The following DNM3 variants were observed in gnomAD, a reference collection of about 807,000 sequenced individuals.
The protein encoded by DNM3 is dynamin 3, also known as dynamin-3.
In DNM3, 47 loss-of-function variants were observed where a neutral mutation model predicts 101.6. That is an observed-to-expected ratio of 0.46 (90% CI 0.37 to 0.59). The LOEUF is 0.59. Ranked by LOEUF, DNM3 falls within the 20% of genes least tolerant of loss-of-function variation. The pLI, the probability that DNM3 is intolerant of heterozygous loss-of-function variation, is 0.00. For synonymous variants in DNM3, 385 were observed against 387.9 expected (o/e 0.99, Z 0.09); for missense variants, 849 against 1,085.7 (o/e 0.78, Z 3.06).
intron 17 of DNM3, among the ~76,000 whole-genome samples, chr1:172,324,344 A>G (rs2065856059): frequency 6.6e-6 from 1 of 152,244 alleles, no homozygotes; most frequent in Non-Finnish European, 1.5e-5. Flanking sequence ...CCATACATAT[A>G]GAATGTAAAA....
At chr1:171,949,632 T>C (rs779958116) in intron 2 of DNM3, among the ~76,000 whole-genome samples, 1 of 151,784 alleles carries the variant, frequency 6.6e-6, no homozygotes, top group Non-Finnish European at 1.5e-5. Flanking sequence ...CCAGGGTTGG[T>C]CTTGAACTCC....
intron 14 of DNM3, among the ~76,000 whole-genome samples, chr1:172,152,774 G>A (rs1046115912): frequency 4.3e-4 from 66 of 152,114 alleles, no homozygotes; most frequent in Admixed American, 7.9e-4. Flanking sequence ...GAATTTTAGT[G>A]AGTTTTTTGT....
intron 1 of DNM3, among the ~76,000 whole-genome samples, chr1:171,850,162 A>G (rs1275645020): frequency 6.6e-5 from 10 of 152,222 alleles, no homozygotes; most frequent in Non-Finnish European, 1.5e-4. Context: ...CCAAGTGTTC[A>G]GGAGGTAAGG....
At chr1:172,058,794 G>A (rs2050877631) in intron 10 of DNM3, among the ~76,000 whole-genome samples, 1 of 151,302 alleles carries the variant, frequency 6.6e-6, no homozygotes, top group Non-Finnish European at 1.5e-5. Flanking sequence ...AACTAGAAAA[G>A]CAAGAGCAAA....
chr1:171,928,674 A>G (rs1249351125), intron 2 of DNM3, among the ~76,000 whole-genome samples: 1 of 152,098 alleles, frequency 6.6e-6, no homozygotes, highest in East Asian at 1.9e-4. Context: ...GGGTAGTTCC[A>G]CTGCAGAGGC....
chr1:171,853,517 A>T (rs147505355), intron 1 of DNM3, among the ~76,000 whole-genome samples: 161 of 152,280 alleles, frequency 1.1e-3, no homozygotes, highest in African/African-American at 3.8e-3. Flanking sequence ...TGCTTTTCTA[A>T]TTGACCCAAT....
At chr1:172,198,235 T>C (rs529534011) in intron 14 of DNM3, among the ~76,000 whole-genome samples, 2 of 152,292 alleles carry the variant, frequency 1.3e-5, no homozygotes, top group South Asian at 2.1e-4. Flanking sequence ...TCTGCTTATA[T>C]TGAACCTACC....
chr1:172,345,104 T>C (rs1034078529), intron 17 of DNM3, among the ~76,000 whole-genome samples: 10 of 152,168 alleles, frequency 6.6e-5, no homozygotes, highest in Non-Finnish European at 8.8e-5. Context: ...TCTTTTAAAA[T>C]ATAGCTTGGA....
chr1:172,322,699 C>A (rs1241538456), intron 16 of DNM3, among the ~76,000 whole-genome samples: 2 of 152,110 alleles, frequency 1.3e-5, no homozygotes, highest in Non-Finnish European at 2.9e-5. Context: ...GCTTCCCATG[C>A]CAACCTAAGG....
intron 15 of DNM3, among the ~76,000 whole-genome samples, chr1:172,296,039 A>G (rs1054457168): frequency 1.1e-4 from 15 of 131,220 alleles, no homozygotes; most frequent in African/African-American, 4.3e-4. Context: ...GCAACCATTG[A>G]TGGAGAATCA....
rs2068759872 is a variant in DNM3, at chr1:172,379,152, A to T, written c.2028A>T (p.Pro676=). The stretch of plus-strand genomic sequence containing the variant: ...ACAAATGTATCCGAGATCTAATTCC[A>T]AAAACAATAATGCACCTTATGATCA... ...IINKCIRDLI[P]KTIMHLMINN... is the part of the protein sequence containing the mutation. Residue 676 remains proline (P), a synonymous_variant, in exon 18 of 21, where the codon CCA becomes CCT. Coordinates refer to ENST00000627582, the MANE Select transcript of DNM3 (RefSeq NM_015569.5). The T allele has an allele frequency of 6.2e-7, 1 of 1,610,038 alleles. No homozygotes were observed. Among genetic ancestry groups the T allele is most frequent in the Admixed American group, 1.7e-5 (1 of 59,496 alleles).
intron 14 of DNM3, among the ~76,000 whole-genome samples, chr1:172,236,240 C>A (rs1056496284): frequency 6.6e-6 from 1 of 152,136 alleles, no homozygotes; most frequent in African/African-American, 2.4e-5. Flanking sequence ...CATAGCTCCA[C>A]AGAGCAGCTA....
chr1:171,851,773 GT>G lies in DNM3; in HGVS notation c.161+9957del, dbSNP rs2033003011. ...AATAGTGGGCCATGATATCAGTTTA[GT>G]AGATGGTGTGTGACAGTGTTAAGCG... On this transcript the variant is annotated intron_variant, in intron 1 of 20. Coordinates refer to ENST00000627582, the MANE Select transcript of DNM3 (RefSeq NM_015569.5). 5.3e-5 allele frequency among the ~76,000 whole-genome samples: 8 copies of G among 152,358 alleles called. No homozygotes were observed. In the South Asian group the frequency reaches 1.7e-3, roughly 32 times the overall value.
chr1:172,130,256 A>G (rs1394394246), intron 13 of DNM3, among the ~76,000 whole-genome samples: 3 of 152,180 alleles, frequency 2.0e-5, no homozygotes, highest in Non-Finnish European at 4.4e-5. Context: ...TGACCTTAGA[A>G]CAATATCATC....
chr1:172,394,266 C>T (rs2069775729), intron 20 of DNM3: 1 of 152,204 alleles, frequency 6.6e-6, no homozygotes, highest in African/African-American at 2.4e-5. Context: ...GGATGACTGG[C>T]AGTCTGTTTA....
At chr1:172,066,883 T>C (rs2051713221) in intron 10 of DNM3, among the ~76,000 whole-genome samples, 1 of 152,146 alleles carries the variant, frequency 6.6e-6, no homozygotes, top group Non-Finnish European at 1.5e-5. Context: ...CTGTGATGAA[T>C]GTCCTTATCA....
At chr1:171,934,896 G>T (rs1334123417) in intron 2 of DNM3, among the ~76,000 whole-genome samples, 1 of 152,062 alleles carries the variant, frequency 6.6e-6, no homozygotes, top group Non-Finnish European at 1.5e-5. Context: ...ACATTTTGAT[G>T]CTATTTTCAT....
chr1:172,154,586 T>C (rs2058266430), intron 14 of DNM3, among the ~76,000 whole-genome samples: 1 of 152,118 alleles, frequency 6.6e-6, no homozygotes, highest in Admixed American at 6.6e-5. Flanking sequence ...AACAAGCTGT[T>C]TAAAACTAAA....
chr1:171,880,905 TA>T (rs761368840), intron 1 of DNM3, among the ~76,000 whole-genome samples: 5 of 148,882 alleles, frequency 3.4e-5, no homozygotes, highest in East Asian at 2.0e-4. Context: ...AATAGTAAAG[TA>T]AAAAAAAAAC....
Sources: gnomAD v4.1 joint callset for allele counts (sites outside exome capture counted in the v4.1 genomes callset) on GRCh38, gnomAD v4.1.1 for gene constraint, MANE v1.5 for transcripts, NCBI Gene and HGNC (gene_info 2026-07-23, HGNC 2026-07-21) for gene names.